The following EPRS1 variants were observed in gnomAD, a reference collection of about 807,000 sequenced individuals.
The protein encoded by EPRS1 is bifunctional glutamate/proline--tRNA ligase.
Under a neutral mutation model 188.3 loss-of-function variants are expected in EPRS1, and 107 were observed. The observed-to-expected ratio is 0.57, with a 90% confidence interval of 0.49 to 0.67. EPRS1 has a LOEUF of 0.67. EPRS1 is among the 30% of genes least tolerant of loss of function. EPRS1 has a pLI of 0.00. For synonymous variants in EPRS1, 596 were observed against 593.1 expected (o/e 1.00, Z -0.07); for missense variants, 1,577 against 1,802.2 (o/e 0.88, Z 2.26).
chr1:220,008,223 C>A (rs892631437), intron 13 of EPRS1, among the ~76,000 whole-genome samples: 1 of 151,670 alleles, frequency 6.6e-6, no homozygotes, highest in African/African-American at 2.4e-5. Flanking sequence ...ACAACAGATG[C>A]CACCTTAGCA....
At chr1:220,016,577 A>ATTTTTTTTTTTTTTT (rs57664248) in intron 12 of EPRS1, among the ~76,000 whole-genome samples, 1 of 69,606 alleles carries the variant, frequency 1.4e-5, no homozygotes, top group Non-Finnish European at 2.6e-5. Flanking sequence ...GGCCTAGCTA[A>ATTTTTTTTTTTTTTT]TTTTTTTTTT....
At position 220,027,832 on chromosome 1, in the gene EPRS1, A is replaced by T. The variant is rs111647784; in HGVS notation, c.623+2554T>A. 5.9e-4 allele frequency among the ~76,000 whole-genome samples: 89 copies of T among 151,844 alleles called. 1 individual carries two copies. The highest frequency in any genetic ancestry group is 2.1e-3 in the African/African-American group (87 of 41,498). Reference sequence around the variant, plus strand: ...ACTCTGTCTCTACTAAAAATACAAAAAATTAATTAATTAATTAATTAAAAA... The same window carrying T: ...ACTCTGTCTCTACTAAAAATACAAATAATTAATTAATTAATTAATTAAAAA... On this transcript the variant is annotated intron_variant, in intron 6 of 31. Transcript: ENST00000366923.
At chr1:220,010,836 A>G (rs1661590609) in intron 13 of EPRS1, 110 bp downstream of exon 13, 2 of 694,902 alleles carry the variant, frequency 2.9e-6, no homozygotes, top group Admixed American at 2.4e-5. Context: ...GAAAGAAAGA[A>G]AGAAAATCAT....
chr1:220,019,218 ATGCAAT>A, intron 10 of EPRS1, 139 bp from the exon 11 acceptor site: 1 of 621,802 alleles, frequency 1.6e-6, no homozygotes, highest in Non-Finnish European at 2.8e-6. Flanking sequence ...ATTAGGTAGT[ATGCAAT>A]ACTAGTGAGC....
At chr1:219,969,668 C>A (rs540221289) in intron 30 of EPRS1, among the ~76,000 whole-genome samples, 4 of 139,694 alleles carry the variant, frequency 2.9e-5, no homozygotes, top group Admixed American at 2.1e-4. Flanking sequence ...AAAAAAAAAC[C>A]TTTCAATTTT....
At chr1:220,008,858 T>C (rs1048665377) in intron 13 of EPRS1, among the ~76,000 whole-genome samples, 3 of 152,078 alleles carry the variant, frequency 2.0e-5, no homozygotes, top group African/African-American at 7.2e-5. Context: ...TTATTTTTCG[T>C]AGAGACAGAG....
chr1:219,972,312 A>C (rs1239183036), intron 29 of EPRS1, among the ~76,000 whole-genome samples, 165 bp from the exon 30 acceptor site: 1 of 151,008 alleles, frequency 6.6e-6, no homozygotes, highest in Non-Finnish European at 1.5e-5. Context: ...TATCAGAGTT[A>C]CCTTATCATT....
At chr1:219,995,414 C>T (rs925970153) in intron 18 of EPRS1, among the ~76,000 whole-genome samples, 8 of 152,130 alleles carry the variant, frequency 5.3e-5, no homozygotes, top group Non-Finnish European at 7.3e-5. Flanking sequence ...AATTTGAAGA[C>T]CAAAGCCCTT....
intron 21 of EPRS1, among the ~76,000 whole-genome samples, 196 bp downstream of exon 21, chr1:219,984,010 T>A (rs1327846034): frequency 6.6e-6 from 1 of 152,080 alleles, no homozygotes; most frequent in African/African-American, 2.4e-5. Context: ...CACTATCTCA[T>A]GGTACTGCTT....
intron 18 of EPRS1, among the ~76,000 whole-genome samples, chr1:219,994,983 ATTG>A (rs1661204679): frequency 1.3e-5 from 2 of 152,102 alleles, no homozygotes; most frequent in Non-Finnish European, 2.9e-5. Flanking sequence ...CAATTAGCCT[ATTG>A]TTGTTATGCA....
At chr1:220,013,225 G>A (rs770222611) in intron 12 of EPRS1, among the ~76,000 whole-genome samples, 8 of 152,166 alleles carry the variant, frequency 5.3e-5, no homozygotes, top group Non-Finnish European at 7.3e-5. Context: ...CTCTTGAAAT[G>A]TCTCCTACCA....
chr1:220,015,364 G>A (rs937361535), intron 12 of EPRS1, among the ~76,000 whole-genome samples: 1 of 152,168 alleles, frequency 6.6e-6, no homozygotes, highest in African/African-American at 2.4e-5. Flanking sequence ...TCAGGAGGCT[G>A]AGGCAATAGA....
chr1:220,012,539 T>A (rs1199116876), intron 12 of EPRS1, among the ~76,000 whole-genome samples: 1 of 152,216 alleles, frequency 6.6e-6, no homozygotes, highest in Non-Finnish European at 1.5e-5. Context: ...AATCTAATTT[T>A]TAACAAGCAT....
chr1:220,009,817 G>T (rs1398056756), intron 13 of EPRS1, among the ~76,000 whole-genome samples: 1 of 152,078 alleles, frequency 6.6e-6, no homozygotes, highest in Non-Finnish European at 1.5e-5. Flanking sequence ...TTCAGGGCTG[G>T]GCACAGTGGC....
chr1:220,040,139 A>G (rs1232989989), intron 2 of EPRS1, 46 bp downstream of exon 2: 4 of 1,300,532 alleles, frequency 3.1e-6, no homozygotes, highest in Non-Finnish European at 4.4e-6. Context: ...TCTAAAAAAA[A>G]GAAAAAGCCA....
chr1:220,033,321 T>C (rs528422061), intron 4 of EPRS1, among the ~76,000 whole-genome samples, 181 bp downstream of exon 4: 1 of 152,296 alleles, frequency 6.6e-6, no homozygotes, highest in South Asian at 2.1e-4. Flanking sequence ...GGAATTCCCG[T>C]AGCTGGATAG....
At chr1:219,986,783 A>ATATGTG (rs1553250793) in intron 20 of EPRS1, among the ~76,000 whole-genome samples, 31 of 150,156 alleles carry the variant, frequency 2.1e-4, no homozygotes, top group Non-Finnish European at 5.9e-5. Context: ...GAAAATATGT[A>ATATGTG]TGTGTGTGTG....
At chr1:219,987,009 T>C (rs1429492113) in intron 20 of EPRS1, 133 bp downstream of exon 20, 10 of 898,876 alleles carry the variant, frequency 1.1e-5, no homozygotes, top group Non-Finnish European at 1.7e-5. Context: ...ATAAATGCTA[T>C]CTGCTGACAT....
chr1:219,986,779 A>ATGTGTG (rs777807074), intron 20 of EPRS1, among the ~76,000 whole-genome samples: 6 of 81,754 alleles, frequency 7.3e-5, no homozygotes, highest in Non-Finnish European at 1.0e-4. Flanking sequence ...GAGAGAAAAT[A>ATGTGTG]TGTATGTGTG....
Sources: allele counts gnomAD v4.1 joint callset (sites outside exome capture counted in the v4.1 genomes callset), GRCh38; gene constraint gnomAD v4.1.1; transcripts MANE v1.5; gene names NCBI Gene and HGNC (gene_info 2026-07-23, HGNC 2026-07-21).